POC1B: variants seen among roughly 807,000 people sequenced by gnomAD.
The protein encoded by POC1B is POC1 centriolar protein homolog B.
In POC1B, 44 loss-of-function variants were observed where a neutral mutation model predicts 60.6. That is an observed-to-expected ratio of 0.73 (90% CI 0.57 to 0.93). The LOEUF is 0.93. Ranked by LOEUF, POC1B falls within the 40% of genes least tolerant of loss-of-function variation. The pLI is 0.00. For missense variants in POC1B, 555 were observed against 572.3 expected (o/e 0.97, Z 0.31); for synonymous variants, 180 against 198.9 (o/e 0.90, Z 0.80).
intron 4 of POC1B, among the ~76,000 whole-genome samples, chr12:89,490,517 G>A (rs10858878): frequency 0.19 from 29,352 of 151,996 alleles, 3,248 homozygotes; most frequent in South Asian, 0.36. Flanking sequence ...GCTAATTTTT[G>A]TATTTTTAGT....
At chr12:89,474,417 A>G (rs554768437) in intron 4 of POC1B, among the ~76,000 whole-genome samples, 2 of 152,350 alleles carry the variant, frequency 1.3e-5, no homozygotes, top group Non-Finnish European at 2.9e-5. Flanking sequence ...AAAATATAGA[A>G]GTACTTACCC....
rs559858695 is a variant in POC1B at position 89,462,867 on chromosome 12, A to G, written c.1033-3149T>C. Among the ~76,000 whole-genome samples, 25 of 152,332 alleles carry G rather than the reference A, an allele frequency of 1.6e-4. 1 individual carries two copies. The South Asian group carries it at 2.5e-3, about 15-fold the overall frequency. ...TATAAAACACTTAGAACAGTCTTGTATAACTGTTAGACTTTATCATCATGT... is the reference window on the plus strand; with the variant it reads ...TATAAAACACTTAGAACAGTCTTGTGTAACTGTTAGACTTTATCATCATGT... On this transcript the variant is annotated intron_variant, in intron 9 of 11. Coordinates refer to ENST00000313546, the MANE Select transcript of POC1B (RefSeq NM_172240.3).
chr12:89,513,566 G>A (rs987273629), intron 2 of POC1B, among the ~76,000 whole-genome samples: 1 of 152,170 alleles, frequency 6.6e-6, no homozygotes, highest in East Asian at 1.9e-4. Flanking sequence ...TTTACTGTTT[G>A]TTTAAACTTT....
chr12:89,456,811 AG>A (rs1188476257), intron 10 of POC1B, among the ~76,000 whole-genome samples: 3 of 152,314 alleles, frequency 2.0e-5, no homozygotes, highest in African/African-American at 7.2e-5. Context: ...TGTAGTGAGA[AG>A]ACATCAGAGC....
At chr12:89,409,787 A>G in the POC1B span, among the ~76,000 whole-genome samples, 1 of 152,184 alleles carries the variant, frequency 6.6e-6, no homozygotes, top group Non-Finnish European at 1.5e-5. Flanking sequence ...GACCAACAAC[A>G]AGTTCTGAAA....
At chr12:89,524,485 T>C (rs565759913) in intron 2 of POC1B, 21 of 1,613,328 alleles carry the variant, frequency 1.3e-5, no homozygotes, top group South Asian at 3.3e-5. Flanking sequence ...CACGAAGATA[T>C]AGGCCACTGT....
intron 10 of POC1B, among the ~76,000 whole-genome samples, chr12:89,434,228 T>C (rs551794112): frequency 4.6e-5 from 7 of 152,320 alleles, no homozygotes; most frequent in African/African-American, 1.7e-4. Flanking sequence ...GGGGATAAGA[T>C]TTTATAGAGG....
intron 10 of POC1B, among the ~76,000 whole-genome samples, chr12:89,440,025 T>G (rs1881444533): frequency 6.6e-6 from 1 of 152,174 alleles, no homozygotes; most frequent in Admixed American, 6.5e-5. Flanking sequence ...CTTTCACAGT[T>G]TTTGCTTACC....
chr12:89,412,357 CTTTTTTT>C, the POC1B span, among the ~76,000 whole-genome samples: 4 of 138,068 alleles, frequency 2.9e-5, no homozygotes, highest in Non-Finnish European at 3.2e-5. Context: ...TTTCTTTTTT[CTTTTTTT>C]TTTTTTTGTA....
rs1309845284 is a variant in POC1B, at chr12:89,461,645, GT to G, written c.1033-1928del. 4 of 152,182 alleles carry G rather than the reference GT, an allele frequency of 2.6e-5. No homozygotes were observed. In the South Asian group the frequency reaches 6.2e-4, roughly 24 times the overall value. 9.4% of individuals were successfully genotyped at this position (152,182 alleles called of 1,614,324 possible). On this transcript the variant is annotated intron_variant, in intron 9 of 11. Coordinates refer to ENST00000313546, the MANE Select transcript of POC1B (RefSeq NM_172240.3). ...ACCATGCTTGATGGGTATGGCTGTA[GT>G]TTTAGAAACAGTAAAATCATTTTAT...
chr12:89,441,302 A>G (rs916313555), intron 10 of POC1B, among the ~76,000 whole-genome samples: 12 of 152,236 alleles, frequency 7.9e-5, no homozygotes, highest in African/African-American at 2.2e-4. Flanking sequence ...ATCTGAGAAC[A>G]GACAGATTGC....
At chr12:89,476,927 G>C (rs1883147791) in intron 4 of POC1B, among the ~76,000 whole-genome samples, 1 of 152,200 alleles carries the variant, frequency 6.6e-6, no homozygotes, top group Admixed American at 6.5e-5. Context: ...TCATTAGTAA[G>C]AGGAACTCTG....
At chr12:89,514,471 T>C (rs1870353694) in intron 2 of POC1B, among the ~76,000 whole-genome samples, 2 of 131,578 alleles carry the variant, frequency 1.5e-5, no homozygotes, top group South Asian at 5.4e-4. Flanking sequence ...TACAGCGGCA[T>C]GATCTCGGCT....
At position 89,421,737 on chromosome 12, in the gene POC1B, T is replaced by C. The variant is rs193058480; in HGVS notation, c.1333-480A>G. Reference sequence around the variant, plus strand: ...ACTGCAGATGGATGGCTAGATTGCTTTGAAAATATCCTAACAATCGCCTCC... The same window carrying C: ...ACTGCAGATGGATGGCTAGATTGCTCTGAAAATATCCTAACAATCGCCTCC... On this transcript the variant is annotated intron_variant, in intron 11 of 11. Coordinates refer to ENST00000313546, the MANE Select transcript of POC1B (RefSeq NM_172240.3). Among the ~76,000 whole-genome samples, 17 of 152,270 alleles carry C rather than the reference T, an allele frequency of 1.1e-4. No homozygotes were observed. In the East Asian group the frequency reaches 3.3e-3, roughly 29 times the overall value.
At chr12:89,462,042 T>G (rs1000165935) in intron 9 of POC1B, among the ~76,000 whole-genome samples, 1 of 152,062 alleles carries the variant, frequency 6.6e-6, no homozygotes, top group Admixed American at 6.6e-5. Context: ...TCAAGAAATC[T>G]AAATCACGTA....
At chr12:89,402,120 A>C in the POC1B span, among the ~76,000 whole-genome samples, 5 of 152,052 alleles carry the variant, frequency 3.3e-5, no homozygotes, top group South Asian at 2.1e-4. Context: ...GTTAAGTGTT[A>C]TCTCTCTTCT....
intron 10 of POC1B, among the ~76,000 whole-genome samples, chr12:89,446,392 G>A (rs530765654): frequency 1.3e-5 from 2 of 152,276 alleles, no homozygotes; most frequent in South Asian, 4.1e-4. Flanking sequence ...AGAAAATGTG[G>A]CACATATACA....
intron 2 of POC1B, among the ~76,000 whole-genome samples, chr12:89,505,153 T>G (rs1869834227): frequency 6.6e-6 from 1 of 152,150 alleles, no homozygotes; most frequent in Admixed American, 6.5e-5. Context: ...TGCACACTCA[T>G]CAGAATGATT....
At chr12:89,449,306 G>A (rs1287436667) in intron 10 of POC1B, among the ~76,000 whole-genome samples, 1 of 152,170 alleles carries the variant, frequency 6.6e-6, no homozygotes, top group Non-Finnish European at 1.5e-5. Context: ...AAAATGTTTA[G>A]TAGTATGTGA....
Sources: gnomAD v4.1 joint callset for allele counts (sites outside exome capture counted in the v4.1 genomes callset) on GRCh38, gnomAD v4.1.1 for gene constraint, MANE v1.5 for transcripts, NCBI Gene and HGNC (gene_info 2026-07-23, HGNC 2026-07-21) for gene names.